Variants in EIF2AK1 observed in about 807,000 individuals in gnomAD.
EIF2AK1 encodes the protein eukaryotic translation initiation factor 2 alpha kinase 1.
In EIF2AK1, 54 loss-of-function variants were observed where a neutral mutation model predicts 77.9. The ratio of observed to expected loss-of-function variants is 0.69; its 90% CI spans 0.56 to 0.87. EIF2AK1 has a LOEUF of 0.87. Among genes scored for constraint, EIF2AK1 ranks in the 40% least tolerant of loss-of-function variants. The pLI is 0.00. For synonymous variants in EIF2AK1, 314 were observed against 290.5 expected, an observed-to-expected ratio of 1.08 and a Z score of -0.82; for missense variants, 810 against 768.6, an observed-to-expected ratio of 1.05 and a Z score of -0.64.
chr7:6,035,703 G>A lies in EIF2AK1; in HGVS notation c.1332+1721C>T, dbSNP rs1788058108. 2 of 1,550,750 alleles carry A rather than the reference G, an allele frequency of 1.3e-6. No homozygotes were observed. The highest frequency in any genetic ancestry group is 1.7e-6 in the Non-Finnish European group (2 of 1,147,076). ...TCTCTCCATTTTGACCCAAAATGGT[G>A]CCGATGTCAATGCTATTAATGAAGC... On this transcript the variant is annotated intron_variant, in intron 11 of 14. Transcript: ENST00000199389. This position sits in a 1 kb window ranked among gnomAD's most constrained non-coding sequence, Gnocchi z 5.5.
rs1787938650 is a variant in EIF2AK1, at chr7:6,032,357, G to A, written c.1333-3325C>T. Among the ~76,000 whole-genome samples the A allele has an allele frequency of 6.6e-6, 1 of 152,150 alleles. No individual in the cohort carries two copies. The highest frequency in any genetic ancestry group is 6.6e-5 in the Admixed American group (1 of 15,264). ...CACTACTTACACGTGTGTATTTTAA[G>A]AGCTGGCACAAACAGCTCTGCTAAT... On this transcript the variant is annotated intron_variant, in intron 11 of 14. Transcript: ENST00000199389. The surrounding 1 kb of genome is among the most constrained non-coding windows in gnomAD (Gnocchi z 4.3).
chr7:6,054,553 C>T lies in EIF2AK1; in HGVS notation c.270G>A (p.Val90=), dbSNP rs949043584. Residue 90 remains valine (V), a synonymous_variant, in exon 2 of 15, where the codon GTG becomes GTA. Coordinates refer to ENST00000199389, the MANE Select transcript of EIF2AK1 (RefSeq NM_014413.4). ...HEPNPLRSRQ[V]FKLLCQTFIK... ...TCATTTATTCTTACTTACGCTTAAACACCTGTCTTGAACGAAGTGGGTTTG... is the reference window on the plus strand; with the variant it reads ...TCATTTATTCTTACTTACGCTTAAATACCTGTCTTGAACGAAGTGGGTTTG... 1.2e-6 allele frequency: 2 copies of T among 1,613,934 alleles called. No individual in the cohort carries two copies. The highest frequency in any genetic ancestry group is 1.7e-6 in the Non-Finnish European group (2 of 1,180,000).
Position 6,033,918 on chromosome 7 carries a change from G to A in EIF2AK1, c.1332+3506C>T, listed in dbSNP as rs1327710350. On this transcript the variant is annotated intron_variant, in intron 11 of 14. Coordinates refer to ENST00000199389, the MANE Select transcript of EIF2AK1 (RefSeq NM_014413.4). This position sits in a 1 kb window ranked among gnomAD's most constrained non-coding sequence, Gnocchi z 4.4. ...CTCTCCACTAGAAGGTAAGCCGCAT[G>A]AAAGAGAAGTTGACCTTGTGCACCA... Among the ~76,000 whole-genome samples, 2 of 152,142 alleles carry A rather than the reference G, an allele frequency of 1.3e-5. No individual in the cohort carries two copies. Among genetic ancestry groups the A allele is most frequent in the Admixed American group, 6.5e-5 (1 of 15,272 alleles).
chr7:6,040,527 A>G (rs983944074), intron 9 of EIF2AK1, among the ~76,000 whole-genome samples: 8 of 152,324 alleles, frequency 5.3e-5, no homozygotes, highest in Admixed American at 5.2e-4. Flanking sequence ...TGAGCTGCTA[A>G]TCCTACTGGG....
chr7:6,056,613 A>AAAAAAAAAAATATATATATATATAT, intron 1 of EIF2AK1, among the ~76,000 whole-genome samples: 1 of 43,730 alleles, frequency 2.3e-5, no homozygotes, highest in African/African-American at 8.2e-5. Flanking sequence ...AAAAAAAAAA[A>AAAAAAAAAAATATATATATATATAT]ATATATATAT....
At chr7:6,038,401 C>A (rs1220181301) in intron 10 of EIF2AK1, among the ~76,000 whole-genome samples, 159 bp downstream of exon 10, 1 of 152,064 alleles carries the variant, frequency 6.6e-6, no homozygotes, top group Non-Finnish European at 1.5e-5. Context: ...TACAACTGCA[C>A]TCCTGCCTGA....
chr7:6,028,646 T>G lies in EIF2AK1; in HGVS notation c.1499A>C (p.Glu500Ala). The G allele has an allele frequency of 6.2e-7, 1 of 1,614,216 alleles. No individual in the cohort carries two copies. Among genetic ancestry groups the G allele is most frequent in the Non-Finnish European group, 8.5e-7 (1 of 1,180,020 alleles). Residue 500 changes from glutamate to alanine, a missense_variant, in exon 13 of 15, where the codon GAA (glutamate) becomes GCA (alanine). By Grantham distance (107) the Glu-to-Ala change is moderately radical (BLOSUM62 -1). Transcript: ENST00000199389. ...RVGTCLYASP[E>A]QLEGSEYDAK... is the part of the protein sequence containing the mutation. ...ATCATACTCAGATCCTTCCAACTGT[T>G]CGGGTGAAGCGTACAGACAAGTACC...
intron 1 of EIF2AK1, among the ~76,000 whole-genome samples, chr7:6,055,378 G>T (rs1340788594): frequency 6.8e-6 from 1 of 147,432 alleles, no homozygotes; most frequent in Non-Finnish European, 1.5e-5. Flanking sequence ...TTGGGCAGAT[G>T]ACAGAGGGAA....
chr7:6,034,362 A>C (rs1788010973), intron 11 of EIF2AK1, among the ~76,000 whole-genome samples: 1 of 152,046 alleles, frequency 6.6e-6, no homozygotes, highest in Admixed American at 6.6e-5. Context: ...GCTCCAGAAG[A>C]ACCCACCTGA....
At chr7:6,049,880 G>C (rs370736573) in intron 3 of EIF2AK1, 32 bp downstream of exon 3, 10 of 1,571,266 alleles carry the variant, frequency 6.4e-6, no homozygotes, top group Non-Finnish European at 7.8e-6. Context: ...GTATATTTTT[G>C]TCATACCCAA....
rs201758508 is a variant in EIF2AK1 at position 6,047,246 on chromosome 7, C to T, written c.450-155G>A. 1,395 of 814,930 alleles carry T rather than the reference C, an allele frequency of 1.7e-3. 23 individuals are homozygous for T. Among genetic ancestry groups the T allele is most frequent in the South Asian group, 0.012 (850 of 68,910 alleles). The allele number at this position is 814,930 out of a possible 1,614,324, so 50.5% of individuals were successfully genotyped here. A position where few individuals can be genotyped will look rare whatever the true frequency, so the allele number is the denominator to read the frequency against. On this transcript the variant is annotated intron_variant, in intron 4 of 14. Coordinates refer to ENST00000199389, the MANE Select transcript of EIF2AK1 (RefSeq NM_014413.4). ...ATGGGCTAAAATGAAATTTTTCATCCCTATGAAGAAAACAAAATCAGGTGT... is the reference window on the plus strand; with the variant it reads ...ATGGGCTAAAATGAAATTTTTCATCTCTATGAAGAAAACAAAATCAGGTGT...
chr7:6,030,575 T>C (rs1421100981), intron 11 of EIF2AK1, among the ~76,000 whole-genome samples: 3 of 152,220 alleles, frequency 2.0e-5, no homozygotes, highest in East Asian at 1.9e-4. Flanking sequence ...CTCGGCTCAC[T>C]GTAACCTCCA....
rs1415567297 is a variant in EIF2AK1, at chr7:6,032,901, C to A, written c.1333-3869G>T. 1.3e-6 allele frequency: 2 copies of A among 1,550,870 alleles called. No individual in the cohort carries two copies. Among genetic ancestry groups the A allele is most frequent in the Non-Finnish European group, 1.7e-6 (2 of 1,147,018 alleles). On this transcript the variant is annotated intron_variant, in intron 11 of 14. Coordinates refer to ENST00000199389, the MANE Select transcript of EIF2AK1 (RefSeq NM_014413.4). This position sits in a 1 kb window ranked among gnomAD's most constrained non-coding sequence, Gnocchi z 4.3. The stretch of plus-strand genomic sequence containing the variant: ...AGTACCACAAGGCCCAGAGTCTGCT[C>A]TGCCTGTTACGGCACGGTGCTGACC...
chr7:6,034,874 CCT>C (rs1031852938), intron 11 of EIF2AK1, among the ~76,000 whole-genome samples: 9 of 152,278 alleles, frequency 5.9e-5, no homozygotes, highest in Admixed American at 2.6e-4. Context: ...AGATTCAACC[CCT>C]GTCACTTCTG....
chr7:6,028,670 C>T lies in EIF2AK1; in HGVS notation c.1475G>A (p.Gly492Asp). 6.2e-7 allele frequency: 1 copy of T among 1,614,216 alleles called. No individual in the cohort carries two copies. The highest frequency in any genetic ancestry group is 8.5e-7 in the Non-Finnish European group (1 of 1,180,030). The change falls in exon 13 of 15, where the codon GGT (glycine) becomes GAT (aspartate). Residue 492 changes from glycine to aspartate, a missense_variant. Around this residue, in one of 3 missense-constraint regions of EIF2AK1, gnomAD observed 549 missense variants for 533.7 expected, o/e 1.03. Transcript: ENST00000199389. ...TTCGGGTGAAGCGTACAGACAAGTA[C>T]CCACTCTGGACGTATGTGTTGGTGT... The part of the protein sequence containing the change: ...KRTPTHTSRV[G>D]TCLYASPEQL...
At chr7:6,052,033 G>A (rs567156273) in intron 2 of EIF2AK1, among the ~76,000 whole-genome samples, 25 of 151,880 alleles carry the variant, frequency 1.6e-4, no homozygotes, top group African/African-American at 5.3e-4. Flanking sequence ...TCAGCCGGGC[G>A]TGGTGGTGGG....
At position 6,032,322 on chromosome 7, in the gene EIF2AK1, G is replaced by A. The variant is rs375509734; in HGVS notation, c.1333-3290C>T. Reference sequence around the variant, plus strand: ...CCCTACTGTCTTATCTTGCAGCCACGGTGTGAAACCACTACTTACACGTGT... The same window carrying A: ...CCCTACTGTCTTATCTTGCAGCCACAGTGTGAAACCACTACTTACACGTGT... On this transcript the variant is annotated intron_variant, in intron 11 of 14. Transcript: ENST00000199389. The surrounding 1 kb of genome is among the most constrained non-coding windows in gnomAD (Gnocchi z 4.3). Among the ~76,000 whole-genome samples, 9 of 152,142 alleles carry A rather than the reference G, an allele frequency of 5.9e-5. No homozygotes were observed. The East Asian group carries it at 9.6e-4, about 16-fold the overall frequency.
intron 6 of EIF2AK1, among the ~76,000 whole-genome samples, chr7:6,044,940 G>C (rs962122987): frequency 3.3e-5 from 5 of 151,980 alleles, no homozygotes; most frequent in East Asian, 3.9e-4. Flanking sequence ...AGGTAGGCAG[G>C]GTAAGCTATA....
intron 2 of EIF2AK1, among the ~76,000 whole-genome samples, chr7:6,051,971 G>C (rs868396113): frequency 4.6e-5 from 7 of 151,894 alleles, no homozygotes; most frequent in Admixed American, 3.3e-4. Context: ...ACGAGATCGA[G>C]ATCATCCTGG....
Sources: allele counts gnomAD v4.1 joint callset (sites outside exome capture counted in the v4.1 genomes callset), GRCh38; gene constraint gnomAD v4.1.1; regional missense constraint gnomAD v4.1.1; non-coding constraint Gnocchi (gnomAD v3.1); transcripts MANE v1.5; gene names NCBI Gene and HGNC (gene_info 2026-07-23, HGNC 2026-07-21).